Variants in ODAD2 observed in about 807,000 individuals in gnomAD.
ODAD2 encodes outer dynein arm-docking complex subunit 2.
In ODAD2, 89 loss-of-function variants were observed where a neutral mutation model predicts 106.8. That is an observed-to-expected ratio of 0.83 (90% CI 0.70 to 0.99). The LOEUF is 0.99. ODAD2 is among the 50% of genes least tolerant of loss of function. The probability of loss-of-function intolerance (pLI) is 0.00; values close to 1 mark genes in which losing one functional copy is unlikely to be tolerated. For missense variants in ODAD2, 1,168 were observed against 1,238.5 expected (o/e 0.94, Z 0.85); for synonymous variants, 404 against 436.2 (o/e 0.93, Z 0.92).
At chr10:27,890,933 C>A (rs920020558) in intron 17 of ODAD2, among the ~76,000 whole-genome samples, 2 of 151,956 alleles carry the variant, frequency 1.3e-5, no homozygotes, top group African/African-American at 4.8e-5. Flanking sequence ...ATTTTAAAGA[C>A]GTTTTGGATT....
At chr10:27,859,157 G>A (rs996474738) in intron 19 of ODAD2, among the ~76,000 whole-genome samples, 4 of 151,726 alleles carry the variant, frequency 2.6e-5, no homozygotes, top group Non-Finnish European at 5.9e-5. Context: ...AAATGGGAAC[G>A]CAGTCATATT....
At chr10:27,968,657 G>T (rs12769662) in intron 9 of ODAD2, among the ~76,000 whole-genome samples, 51 of 143,544 alleles carry the variant, frequency 3.6e-4, no homozygotes, top group Non-Finnish European at 4.7e-4. Flanking sequence ...CTAAACTTAG[G>T]TCACTGCTCT....
Position 27,860,761 on chromosome 10 carries a change from T to A in ODAD2, c.2885A>T (p.His962Leu), listed in dbSNP as rs1839985036. 1 of 1,614,180 alleles carries A rather than the reference T, an allele frequency of 6.2e-7. No homozygotes were observed. Among genetic ancestry groups the A allele is most frequent in the Non-Finnish European group, 8.5e-7 (1 of 1,180,024 alleles). ...ACGCACTAGTGGAGCCACTGCTTTG[T>A]GCTCACCGAAGGCCACTCTATTCCT... is the stretch of plus-strand genomic sequence containing the variant. Reference protein sequence around the residue: ...WGRNRVAFGEHKAVAPLVRYL... With the variant: ...WGRNRVAFGELKAVAPLVRYL... The change falls in exon 19 of 20, where the codon CAC (histidine) becomes CTC (leucine). Residue 962 changes from histidine (H) to leucine (L), a missense_variant. This residue lies in a region of ODAD2 where 701 missense variants were observed against 712.3 expected (regional missense o/e 0.98). Coordinates refer to ENST00000305242, the MANE Select transcript of ODAD2 (RefSeq NM_018076.5).
At chr10:27,827,001 C>T (rs1837095737) in intron 19 of ODAD2, among the ~76,000 whole-genome samples, 4 of 152,236 alleles carry the variant, frequency 2.6e-5, no homozygotes, top group South Asian at 2.1e-4. Context: ...CAAGGCCATT[C>T]GTAATCGCTT....
At chr10:27,876,253 TG>T (rs1395464241) in intron 17 of ODAD2, among the ~76,000 whole-genome samples, 2 of 152,122 alleles carry the variant, frequency 1.3e-5, no homozygotes, top group African/African-American at 4.8e-5. Context: ...CCTCCTCAAG[TG>T]GGTCCCTGAC....
intron 17 of ODAD2, among the ~76,000 whole-genome samples, chr10:27,885,621 A>AT (rs1330943353): frequency 3.4e-5 from 2 of 58,438 alleles, no homozygotes; most frequent in African/African-American, 1.5e-4. Flanking sequence ...ATATAAATAT[A>AT]AATATATAAA....
chr10:27,850,530 C>T (rs1839182303), intron 19 of ODAD2, among the ~76,000 whole-genome samples: 1 of 151,214 alleles, frequency 6.6e-6, no homozygotes, highest in South Asian at 2.1e-4. Context: ...ACACTCTAGA[C>T]TGGGTGACAG....
At position 27,940,012 on chromosome 10, in the gene ODAD2, G is replaced by A. The variant is rs1179347713; in HGVS notation, c.1987-5C>T. ...GATTGCAGCCCGGTAGTTTTCCTAG[G>A]AATAAAAACCTACATATTTATGTGT... On this transcript the variant is annotated splice_polypyrimidine_tract_variant and splice_region_variant and intron_variant, in intron 13 of 19. Transcript: ENST00000305242. The A allele has an allele frequency of 6.3e-7, 1 of 1,590,018 alleles. No individual in the cohort carries two copies. The highest frequency in any genetic ancestry group is 8.6e-7 in the Non-Finnish European group (1 of 1,166,116).
chr10:27,813,293 GC>G (rs1445880201), intron 19 of ODAD2: 1 of 152,110 alleles, frequency 6.6e-6, no homozygotes, highest in Non-Finnish European at 1.5e-5. Flanking sequence ...TTTCCACGAA[GC>G]CTCCAAGATT....
At chr10:27,955,863 C>T (rs1431018113) in intron 10 of ODAD2, among the ~76,000 whole-genome samples, 2 of 152,052 alleles carry the variant, frequency 1.3e-5, no homozygotes, top group African/African-American at 4.8e-5. Flanking sequence ...AAACCCAAAA[C>T]CTGCCAGGGA....
chr10:27,891,839 C>T (rs746300769), intron 17 of ODAD2, among the ~76,000 whole-genome samples: 22 of 151,994 alleles, frequency 1.4e-4, no homozygotes, highest in African/African-American at 3.1e-4. Context: ...TCGTGTGATA[C>T]GACACAATTA....
chr10:27,937,524 A>G (rs1846079356), intron 14 of ODAD2, among the ~76,000 whole-genome samples: 1 of 151,994 alleles, frequency 6.6e-6, no homozygotes, highest in Admixed American at 6.6e-5. Flanking sequence ...TTTTATTCAA[A>G]TATGCTTATC....
chr10:27,894,720 G>C (rs1201208285), intron 17 of ODAD2, among the ~76,000 whole-genome samples: 1 of 130,034 alleles, frequency 7.7e-6, no homozygotes, highest in East Asian at 2.1e-4. Context: ...GGGACTACAG[G>C]CATGTGCATT....
intron 17 of ODAD2, among the ~76,000 whole-genome samples, chr10:27,871,331 T>C (rs1054393064): frequency 6.6e-6 from 1 of 152,222 alleles, no homozygotes; most frequent in African/African-American, 2.4e-5. Flanking sequence ...TGGTAGTTTC[T>C]TTTGCCGTGC....
At chr10:27,905,240 A>T (rs925822905) in intron 17 of ODAD2, 7 of 154,130 alleles carry the variant, frequency 4.5e-5, no homozygotes, top group African/African-American at 1.4e-4. Flanking sequence ...GAAATGTATG[A>T]TAAATTTTAC....
chr10:27,987,459 G>A lies in ODAD2; in HGVS notation c.309C>T (p.Ser103=). Residue 103 remains serine, a synonymous_variant, in exon 3 of 20, where the codon AGC becomes AGT. Transcript: ENST00000305242. ...FLSVPQIKIR[S]FGQLSRLLLI... ...GTAACAAGCGTGACAGCTGCCCAAA[G>A]CTCCTAATTTTAATTTGTGGTACAG... 1.2e-6 allele frequency: 2 copies of A among 1,613,874 alleles called. No homozygotes were observed. The highest frequency in any genetic ancestry group is 1.7e-6 in the Non-Finnish European group (2 of 1,179,884).
At chr10:27,849,545 TATA>T (rs757625420) in intron 19 of ODAD2, among the ~76,000 whole-genome samples, 9 of 151,620 alleles carry the variant, frequency 5.9e-5, no homozygotes, top group African/African-American at 1.7e-4. Flanking sequence ...GAACTTAAAA[TATA>T]ATAATAATAA....
chr10:27,917,216 A>G (rs527944803), intron 16 of ODAD2, among the ~76,000 whole-genome samples: 2 of 152,286 alleles, frequency 1.3e-5, no homozygotes, highest in East Asian at 3.9e-4. Flanking sequence ...CTAGAAATCA[A>G]TAACAACATG....
intron 19 of ODAD2, among the ~76,000 whole-genome samples, chr10:27,844,962 C>A (rs117373849): frequency 6.6e-6 from 1 of 152,106 alleles, no homozygotes; most frequent in Non-Finnish European, 1.5e-5. Context: ...TAGCTCAGCC[C>A]CTTCTAGGCA....
Sources: allele counts gnomAD v4.1 joint callset (sites outside exome capture counted in the v4.1 genomes callset), GRCh38; gene constraint gnomAD v4.1.1; regional missense constraint gnomAD v4.1.1; transcripts MANE v1.5; gene names NCBI Gene and HGNC (gene_info 2026-07-23, HGNC 2026-07-21).